The following LRRTM4 variants were observed in gnomAD, a reference collection of about 807,000 sequenced individuals.
The protein encoded by LRRTM4 is leucine-rich repeat transmembrane neuronal protein 4.
A neutral mutation model predicts 47.6 loss-of-function variants in LRRTM4; 25 were observed. The observed-to-expected ratio is 0.53, with a 90% CI of 0.38 to 0.73. LRRTM4 has a LOEUF of 0.73. Ranked by LOEUF, LRRTM4 falls within the 30% of genes least tolerant of loss-of-function variation. The probability of loss-of-function intolerance (pLI) is 0.00; values close to 1 mark genes in which losing one functional copy is unlikely to be tolerated. For missense variants in LRRTM4, 638 were observed against 713.4 expected, an observed-to-expected ratio of 0.89 and a Z score of 1.20; for synonymous variants, 311 against 269.5, an observed-to-expected ratio of 1.15 and a Z score of -1.51.
At chr2:76,998,353 T>TAC (rs926658451) in intron 3 of LRRTM4, among the ~76,000 whole-genome samples, 3 of 152,092 alleles carry the variant, frequency 2.0e-5, no homozygotes, top group Non-Finnish European at 2.9e-5. Context: ...ATTTGGATCA[T>TAC]ACTCACAGCT....
chr2:77,022,240 A>G (rs1464104218), intron 3 of LRRTM4, among the ~76,000 whole-genome samples: 1 of 152,134 alleles, frequency 6.6e-6, no homozygotes, highest in Non-Finnish European at 1.5e-5. Flanking sequence ...CAGTATGAGG[A>G]AAACCTCCTC....
At chr2:77,105,269 T>A (rs373108131) in intron 3 of LRRTM4, among the ~76,000 whole-genome samples, 6 of 152,234 alleles carry the variant, frequency 3.9e-5, no homozygotes, top group African/African-American at 1.4e-4. Context: ...GAAATTATTT[T>A]GTGTAGATGA....
intron 3 of LRRTM4, among the ~76,000 whole-genome samples, chr2:77,214,045 C>G (rs1050041025): frequency 1.3e-5 from 2 of 152,010 alleles, no homozygotes; most frequent in African/African-American, 4.8e-5. Context: ...GTGGAATGAT[C>G]AAGGTCTCCT....
intron 3 of LRRTM4, among the ~76,000 whole-genome samples, chr2:77,166,225 A>G (rs766642959): frequency 6.6e-6 from 1 of 152,186 alleles, no homozygotes; most frequent in Non-Finnish European, 1.5e-5. Context: ...AAAGAGAATA[A>G]AATACCTGGG....
At chr2:77,486,203 G>T (rs1997526) in intron 3 of LRRTM4, among the ~76,000 whole-genome samples, 4 of 152,014 alleles carry the variant, frequency 2.6e-5, no homozygotes, top group Non-Finnish European at 4.4e-5. Context: ...ATTCAATAAA[G>T]CATTGTCATC....
chr2:77,368,060 C>G (rs1050766060), intron 3 of LRRTM4, among the ~76,000 whole-genome samples: 11 of 151,422 alleles, frequency 7.3e-5, no homozygotes, highest in African/African-American at 2.4e-4. Context: ...AAAAATATTG[C>G]TTTCTTCTGC....
chr2:77,151,650 T>G (rs1025014404), intron 3 of LRRTM4, among the ~76,000 whole-genome samples: 2 of 152,174 alleles, frequency 1.3e-5, no homozygotes, highest in African/African-American at 4.8e-5. Context: ...CAGAGAACAT[T>G]AAACTAAATC....
intron 3 of LRRTM4, among the ~76,000 whole-genome samples, chr2:77,449,427 G>C (rs1292786032): frequency 6.6e-6 from 1 of 152,112 alleles, no homozygotes; most frequent in East Asian, 1.9e-4. Context: ...GTGGATATGT[G>C]TCATTTTTGT....
chr2:76,909,313 C>T (rs1465873433), intron 3 of LRRTM4, among the ~76,000 whole-genome samples: 1 of 152,178 alleles, frequency 6.6e-6, no homozygotes, highest in African/African-American at 2.4e-5. Flanking sequence ...GAAACTGGAT[C>T]CCTTCCTTAC....
At chr2:77,475,538 C>A (rs1387964921) in intron 3 of LRRTM4, among the ~76,000 whole-genome samples, 1 of 151,930 alleles carries the variant, frequency 6.6e-6, no homozygotes, top group Admixed American at 6.6e-5. Flanking sequence ...TACAGAATTT[C>A]TTCTACAGAT....
chr2:77,354,814 A>G (rs1321242211), intron 3 of LRRTM4, among the ~76,000 whole-genome samples: 1 of 152,100 alleles, frequency 6.6e-6, no homozygotes, highest in Non-Finnish European at 1.5e-5. Context: ...CTACCTCTCA[A>G]TCTACAGGCA....
intron 3 of LRRTM4, among the ~76,000 whole-genome samples, chr2:76,795,319 G>T (rs1341089124): frequency 2.6e-5 from 4 of 151,952 alleles, no homozygotes; most frequent in African/African-American, 9.6e-5. Flanking sequence ...AAATATATAT[G>T]TAGTTCATCT....
intron 3 of LRRTM4, among the ~76,000 whole-genome samples, chr2:77,392,402 C>A (rs1673540114): frequency 6.6e-6 from 1 of 151,994 alleles, no homozygotes; most frequent in Non-Finnish European, 1.5e-5. Context: ...AGCTATGACC[C>A]TTAACCTTGG....
chr2:77,362,241 G>T (rs899385286), intron 3 of LRRTM4, among the ~76,000 whole-genome samples: 3 of 152,092 alleles, frequency 2.0e-5, no homozygotes, highest in African/African-American at 7.2e-5. Context: ...TAATTCCGAG[G>T]CAGACTGGCT....
chr2:77,411,947 G>A (rs1036332331), intron 3 of LRRTM4, among the ~76,000 whole-genome samples: 5 of 152,124 alleles, frequency 3.3e-5, no homozygotes, highest in African/African-American at 1.2e-4. Context: ...TAGGTTCTGA[G>A]GTCATGCTTT....
chr2:77,201,671 C>T (rs1374276242), intron 3 of LRRTM4, among the ~76,000 whole-genome samples: 3 of 151,934 alleles, frequency 2.0e-5, no homozygotes, highest in Non-Finnish European at 4.4e-5. Flanking sequence ...TTTAAAAAGT[C>T]ATAAGAGCAA....
At chr2:76,866,260 T>G (rs375579882) in intron 3 of LRRTM4, among the ~76,000 whole-genome samples, 1 of 152,292 alleles carries the variant, frequency 6.6e-6, no homozygotes, top group East Asian at 1.9e-4. Flanking sequence ...TATATGCACT[T>G]TCACTGGGGA....
At chr2:76,929,942 T>C (rs1674715386) in intron 3 of LRRTM4, among the ~76,000 whole-genome samples, 1 of 151,784 alleles carries the variant, frequency 6.6e-6, no homozygotes, top group Non-Finnish European at 1.5e-5. Context: ...TGTGTGTGTG[T>C]GTGTGTGTGT....
At chr2:77,206,326 A>G (rs1346564471) in intron 3 of LRRTM4, among the ~76,000 whole-genome samples, 2 of 151,486 alleles carry the variant, frequency 1.3e-5, no homozygotes, top group African/African-American at 2.4e-5. Flanking sequence ...CCACAAGCAC[A>G]TGCCACCAAG....
Sources: gnomAD v4.1 joint callset for allele counts (sites outside exome capture counted in the v4.1 genomes callset) on GRCh38, gnomAD v4.1.1 for gene constraint, MANE v1.5 for transcripts, NCBI Gene and HGNC (gene_info 2026-07-23, HGNC 2026-07-21) for gene names.